Variants in SYNE2 observed in about 807,000 individuals in gnomAD.
SYNE2 encodes nesprin-2.
Under a neutral mutation model 856.3 loss-of-function variants are expected in SYNE2, and 431 were observed. The observed-to-expected ratio is 0.50, with a 90% CI of 0.47 to 0.55. The LOEUF (loss-of-function observed/expected upper bound fraction) is 0.55, where lower values mean the gene tolerates loss of function less well. Among genes scored for constraint, SYNE2 ranks in the 20% least tolerant of loss-of-function variants. The pLI is 0.00. For missense variants in SYNE2, 8,129 were observed against 8,023.2 expected, an observed-to-expected ratio of 1.01 and a Z score of -0.50; for synonymous variants, 2,923 against 2,872.3, an observed-to-expected ratio of 1.02 and a Z score of -0.56.
chr14:64,169,998 G>A (rs538875554), intron 93 of SYNE2, among the ~76,000 whole-genome samples: 1 of 152,234 alleles, frequency 6.6e-6, no homozygotes, highest in African/African-American at 2.4e-5. Flanking sequence ...ATGCATGCTG[G>A]CAAAATACCA....
At chr14:64,058,890 T>A (rs1435500592) in intron 49 of SYNE2, among the ~76,000 whole-genome samples, 2 of 152,182 alleles carry the variant, frequency 1.3e-5, no homozygotes, top group East Asian at 3.9e-4. Flanking sequence ...TATTTTCAAA[T>A]TGCTTGTCTT....
At chr14:63,883,979 G>C (rs1312921440) in intron 1 of SYNE2, among the ~76,000 whole-genome samples, 1 of 151,188 alleles carries the variant, frequency 6.6e-6, no homozygotes, top group Non-Finnish European at 1.5e-5. Flanking sequence ...CAGAGTCATT[G>C]GGTGGTGATG....
chr14:63,876,793 A>G (rs1226351842), intron 1 of SYNE2, among the ~76,000 whole-genome samples: 1 of 152,106 alleles, frequency 6.6e-6, no homozygotes, highest in African/African-American at 2.4e-5. Context: ...GCCCCCAAAT[A>G]TGTTTCTTTT....
At chr14:64,078,878 C>T (rs1294403364) in intron 55 of SYNE2, among the ~76,000 whole-genome samples, 1 of 152,202 alleles carries the variant, frequency 6.6e-6, no homozygotes, top group Admixed American at 6.5e-5. Context: ...TTGAGACCAG[C>T]CTGGCCAACA....
intron 23 of SYNE2, among the ~76,000 whole-genome samples, chr14:63,996,497 G>A (rs747361102): frequency 5.9e-5 from 9 of 151,630 alleles, no homozygotes; most frequent in Non-Finnish European, 1.0e-4. Context: ...CTGCTGTGCC[G>A]TGTACTCCAG....
chr14:63,771,377 C>T (rs1595094974), intron 1 of SYNE2, among the ~76,000 whole-genome samples: 2 of 152,144 alleles, frequency 1.3e-5, no homozygotes, highest in South Asian at 4.1e-4. Context: ...GCCCCTTATA[C>T]ACTCTTGATG....
chr14:64,157,393 A>T (rs1455753367), intron 85 of SYNE2, among the ~76,000 whole-genome samples: 1 of 152,138 alleles, frequency 6.6e-6, no homozygotes, highest in African/African-American at 2.4e-5. Flanking sequence ...TGTTTTCAAG[A>T]TCATCGGTGT....
chr14:64,211,856 G>C, intron 103 of SYNE2, 105 bp from the exon 104 acceptor site: 1 of 1,536,634 alleles, frequency 6.5e-7, no homozygotes, highest in Non-Finnish European at 9.0e-7. Flanking sequence ...ATTTCTCCCT[G>C]AGTATTCTGG....
Position 64,070,920 on chromosome 14 carries a change from A to G in SYNE2, c.10697+10A>G. 2 of 1,614,072 alleles carry G rather than the reference A, an allele frequency of 1.2e-6. No homozygotes were observed. The highest frequency in any genetic ancestry group is 1.7e-6 in the Non-Finnish European group (2 of 1,179,924). On this transcript the variant is annotated intron_variant, in intron 52 of 115. Transcript: ENST00000555002. ...AAGAACGATGCAACAAGTAAGATTTATGAAAAACTATTAAGGACGTGTGCT... is the reference window on the plus strand; with the variant it reads ...AAGAACGATGCAACAAGTAAGATTTGTGAAAAACTATTAAGGACGTGTGCT...
At chr14:64,107,458 C>A (rs374263535) in intron 64 of SYNE2, 33 bp from the exon 65 acceptor site, 2 of 1,574,522 alleles carry the variant, frequency 1.3e-6, no homozygotes, top group African/African-American at 2.7e-5. Context: ...CAGGGCAGGA[C>A]CCTTTCTGGA....
Position 64,124,860 on chromosome 14 carries a change from G to A in SYNE2, c.13423-219G>A, listed in dbSNP as rs554050097. Among the ~76,000 whole-genome samples the A allele has an allele frequency of 1.5e-3, 225 of 152,170 alleles. 1 individual carries two copies. The highest frequency in any genetic ancestry group is 6.8e-3 in the Middle Eastern group (2 of 294). ...GCTACTAAAAATACAAAAATTAGCC[G>A]GGCATGGTGGCAGGCACCTGTTATC... On this transcript the variant is annotated intron_variant, in intron 70 of 115. Coordinates refer to ENST00000555002, the MANE Select transcript of SYNE2 (RefSeq NM_182914.3).
chr14:64,188,484 G>T, intron 97 of SYNE2, 66 bp from the exon 98 acceptor site: 8 of 1,587,052 alleles, frequency 5.0e-6, no homozygotes, highest in Non-Finnish European at 6.9e-6. Flanking sequence ...CAGTTTTTTT[G>T]AGGGAGAGAA....
chr14:64,015,784 C>T (rs986249282), intron 32 of SYNE2, among the ~76,000 whole-genome samples: 4 of 151,780 alleles, frequency 2.6e-5, no homozygotes, highest in African/African-American at 7.3e-5. Flanking sequence ...TTTAGATTAT[C>T]GATTTCAGAC....
intron 2 of SYNE2, among the ~76,000 whole-genome samples, chr14:63,919,972 G>GTTTTTTTTGTT (rs2095577841): frequency 9.0e-6 from 1 of 110,620 alleles, no homozygotes; most frequent in South Asian, 3.3e-4. Flanking sequence ...TAAAAGGTAA[G>GTTTTTTTTGTT]TTTTTTTTTT....
chr14:63,896,346 A>G (rs937608777), intron 1 of SYNE2, among the ~76,000 whole-genome samples: 1 of 152,186 alleles, frequency 6.6e-6, no homozygotes, highest in Non-Finnish European at 1.5e-5. Context: ...GGCTTGTGGG[A>G]TCACACTGAA....
intron 79 of SYNE2, 43 bp downstream of exon 79, chr14:64,138,026 A>G (rs1480555087): frequency 7.6e-6 from 12 of 1,588,510 alleles, no homozygotes; most frequent in Non-Finnish European, 9.4e-6. Context: ...TTGTGCTGTG[A>G]AGAAAGACCT....
Position 63,993,817 on chromosome 14 carries a change from A to AT in SYNE2, c.2647-18_2647-17insT. 3.3e-6 allele frequency: 5 copies of AT among 1,496,486 alleles called. No homozygotes were observed. The highest frequency in any genetic ancestry group is 1.9e-5 in the Admixed American group (1 of 52,772). The allele number at this position is 1,496,486 out of a possible 1,614,324, so 92.7% of individuals were successfully genotyped here. On this transcript the variant is annotated splice_polypyrimidine_tract_variant and intron_variant, in intron 21 of 115. Coordinates refer to ENST00000555002, the MANE Select transcript of SYNE2 (RefSeq NM_182914.3). ...ATGAGGCTTTTATGATTTTGTTTGC[A>AT]ATTTTTTTTTTTTTTAGGAAGCACT...
rs148564084 is a variant in SYNE2 at position 64,016,586 on chromosome 14, C to T, written c.4842C>T (p.Pro1614=). Residue 1614 remains proline (P), a synonymous_variant, in exon 33 of 116, where the codon CCC becomes CCT. Coordinates refer to ENST00000555002, the MANE Select transcript of SYNE2 (RefSeq NM_182914.3). ...YLNKMKTFEE[P]PFEKEANIIV... is the part of the protein sequence containing the mutation. ...ATAAAATGAAAACTTTTGAAGAGCC[C>T]CCTTTTGAAAAAGAGGCTAATATTA... 299 of 1,601,106 alleles carry T rather than the reference C, an allele frequency of 1.9e-4. 5 individuals carry two copies. In the African/African-American group the frequency reaches 3.2e-3, roughly 17 times the overall value.
chr14:64,202,751 C>T (rs1333529572), intron 99 of SYNE2, 50 bp from the exon 100 acceptor site: 7 of 1,612,378 alleles, frequency 4.3e-6, no homozygotes, highest in Admixed American at 3.3e-5. Flanking sequence ...TTTTGTTTTC[C>T]ATCACTGGTT....
Sources: allele counts gnomAD v4.1 joint callset (sites outside exome capture counted in the v4.1 genomes callset), GRCh38; gene constraint gnomAD v4.1.1; transcripts MANE v1.5; gene names NCBI Gene and HGNC (gene_info 2026-07-23, HGNC 2026-07-21).